VPS13B: variants seen among roughly 807,000 people sequenced by gnomAD.
VPS13B encodes vacuolar protein sorting 13 homolog B, also known as intermembrane lipid transfer protein VPS13B.
Under a neutral mutation model 426.4 loss-of-function variants are expected in VPS13B, and 285 were observed. That is an observed-to-expected ratio of 0.67 (90% confidence interval 0.61 to 0.74). The LOEUF is 0.74. VPS13B is among the 30% of genes least tolerant of loss of function. The pLI, the probability that VPS13B is intolerant of heterozygous loss-of-function variation, is 0.00. For missense variants in VPS13B, 4,537 were observed against 4,782.6 expected (o/e 0.95, Z 1.51); for synonymous variants, 1,676 against 1,676.4 (o/e 1.00, Z 0.01).
intron 36 of VPS13B, among the ~76,000 whole-genome samples, chr8:99,703,083 C>T (rs1051033434): frequency 5.3e-5 from 8 of 152,072 alleles, no homozygotes; most frequent in Admixed American, 3.9e-4. Flanking sequence ...TTAATTTTCT[C>T]CCCCGGGCAT....
chr8:99,020,237 G>C (rs773771315), intron 2 of VPS13B, among the ~76,000 whole-genome samples: 2 of 151,996 alleles, frequency 1.3e-5, no homozygotes, highest in Non-Finnish European at 2.9e-5. Flanking sequence ...AATGATTAGT[G>C]ATGTTGAGCC....
intron 30 of VPS13B, among the ~76,000 whole-genome samples, chr8:99,531,186 C>T (rs756726354): frequency 1.3e-5 from 2 of 152,136 alleles, no homozygotes; most frequent in Non-Finnish European, 2.9e-5. Context: ...TGTTTGAGCT[C>T]TTTGGTCCTT....
intron 7 of VPS13B, among the ~76,000 whole-genome samples, chr8:99,116,467 T>C (rs941558399): frequency 3.9e-5 from 6 of 152,214 alleles, no homozygotes; most frequent in Non-Finnish European, 8.8e-5. Flanking sequence ...AGGGTTTTGC[T>C]CTGTCACCCA....
intron 52 of VPS13B, 81 bp downstream of exon 52, chr8:99,832,733 G>C: frequency 7.0e-7 from 1 of 1,432,010 alleles, no homozygotes; most frequent in East Asian, 2.3e-5. Flanking sequence ...GAGATACAAT[G>C]GTCGCAGGGC....
intron 58 of VPS13B, among the ~76,000 whole-genome samples, chr8:99,864,026 T>C (rs1002721051): frequency 6.6e-6 from 1 of 152,158 alleles, no homozygotes; most frequent in Admixed American, 6.5e-5. Flanking sequence ...CTGTAAGACT[T>C]CAAGGACTTC....
At chr8:99,081,617 C>G (rs947240177) in intron 3 of VPS13B, among the ~76,000 whole-genome samples, 2 of 146,038 alleles carry the variant, frequency 1.4e-5, no homozygotes, top group Non-Finnish European at 3.0e-5. Context: ...CAACAGGCCC[C>G]CACCCCACAA....
intron 24 of VPS13B, among the ~76,000 whole-genome samples, chr8:99,473,708 TGAA>T (rs1353697692): frequency 6.6e-6 from 1 of 152,096 alleles, no homozygotes; most frequent in Non-Finnish European, 1.5e-5. Context: ...AGATAAGAAA[TGAA>T]GAAGTAAAAC....
chr8:99,870,103 CTG>C (rs1012471362), intron 59 of VPS13B, among the ~76,000 whole-genome samples: 2 of 152,156 alleles, frequency 1.3e-5, no homozygotes, highest in African/African-American at 2.4e-5. Context: ...TTGTATATAT[CTG>C]TGTGTTTTTT....
At chr8:99,036,571 A>T (rs1165848362) in intron 2 of VPS13B, among the ~76,000 whole-genome samples, 1 of 152,142 alleles carries the variant, frequency 6.6e-6, no homozygotes, top group Non-Finnish European at 1.5e-5. Flanking sequence ...TAGTCAGATC[A>T]TATGGCTCAA....
At chr8:99,872,391 T>TC (rs1466972970) in intron 61 of VPS13B, among the ~76,000 whole-genome samples, 3 of 152,006 alleles carry the variant, frequency 2.0e-5, no homozygotes, top group Non-Finnish European at 4.4e-5. Flanking sequence ...TACCACAGAA[T>TC]CCCCCCTGGG....
At chr8:99,542,345 T>C (rs1031792315) in intron 30 of VPS13B, among the ~76,000 whole-genome samples, 2 of 152,230 alleles carry the variant, frequency 1.3e-5, no homozygotes, top group African/African-American at 4.8e-5. Context: ...AGGGAGATTT[T>C]CTCAGAGAGG....
At chr8:99,343,826 A>G (rs1393564459) in intron 19 of VPS13B, among the ~76,000 whole-genome samples, 4 of 152,240 alleles carry the variant, frequency 2.6e-5, no homozygotes, top group African/African-American at 4.8e-5. Context: ...GGAAGAAAAC[A>G]TAGGTTAATA....
At chr8:99,063,968 C>T (rs1844336878) in intron 3 of VPS13B, among the ~76,000 whole-genome samples, 1 of 152,160 alleles carries the variant, frequency 6.6e-6, no homozygotes, top group African/African-American at 2.4e-5. Flanking sequence ...CTGGAGTGAA[C>T]CTCCAGCAAA....
At chr8:99,766,686 A>T in intron 39 of VPS13B, 88 bp from the exon 40 acceptor site, 1 of 1,204,082 alleles carries the variant, frequency 8.3e-7, no homozygotes. Flanking sequence ...TAATGTTATA[A>T]TTTTTATAAA....
At chr8:99,164,643 C>G (rs1330845539) in intron 15 of VPS13B, among the ~76,000 whole-genome samples, 2 of 152,176 alleles carry the variant, frequency 1.3e-5, no homozygotes, top group East Asian at 3.9e-4. Flanking sequence ...TTTACCCTGG[C>G]TTTTAAAGGA....
rs560965113 is a variant in VPS13B, at chr8:99,784,994, G to A, written c.7941+518G>A. 7.9e-5 allele frequency among the ~76,000 whole-genome samples: 12 copies of A among 152,232 alleles called. No individual in the cohort carries two copies. In the South Asian group the frequency reaches 2.5e-3, roughly 32 times the overall value. ...CAAAGACAGGTAAGTCACAGGCCTT[G>A]CCCTCTGAGGACAGCTCACAATCTG... On this transcript the variant is annotated intron_variant, in intron 43 of 61. Transcript: ENST00000357162.
chr8:99,146,770 A>G (rs1320269740), intron 13 of VPS13B, among the ~76,000 whole-genome samples: 2 of 152,104 alleles, frequency 1.3e-5, no homozygotes, highest in African/African-American at 4.8e-5. Flanking sequence ...ATGAAGTCTT[A>G]CTATGTTGCC....
intron 24 of VPS13B, among the ~76,000 whole-genome samples, chr8:99,478,447 G>GTTTTTTTTTTTTTTGTTTT (rs1819825305): frequency 1.2e-5 from 1 of 85,778 alleles, no homozygotes. Context: ...TTTTTGTTTT[G>GTTTTTTTTTTTTTTGTTTT]TTTTTTTTTT....
intron 33 of VPS13B, among the ~76,000 whole-genome samples, chr8:99,596,038 G>A (rs1388850100): frequency 6.6e-6 from 1 of 151,864 alleles, no homozygotes; most frequent in Non-Finnish European, 1.5e-5. Context: ...GGAAAAATTG[G>A]AACCCTCTTA....
Sources: gnomAD v4.1 joint callset for allele counts (sites outside exome capture counted in the v4.1 genomes callset) on GRCh38, gnomAD v4.1.1 for gene constraint, MANE v1.5 for transcripts, NCBI Gene and HGNC (gene_info 2026-07-23, HGNC 2026-07-21) for gene names.